Variants in SPOCK3 observed in about 807,000 individuals in gnomAD.
The protein encoded by SPOCK3 is SPARC (osteonectin), cwcv and kazal like domains proteoglycan 3.
SPOCK3 carries 30 observed loss-of-function variants against 56.6 expected under a neutral mutation model. That is an observed-to-expected ratio of 0.53 (90% CI 0.40 to 0.72). The LOEUF (loss-of-function observed/expected upper bound fraction) is 0.72. Among genes scored for constraint, SPOCK3 ranks in the 30% least tolerant of loss-of-function variants. The pLI, the probability that SPOCK3 is intolerant of heterozygous loss-of-function variation, is 0.00. For synonymous variants in SPOCK3, 196 were observed against 183.3 expected (o/e 1.07, Z -0.56); for missense variants, 527 against 530.0 (o/e 0.99, Z 0.06).
intron 2 of SPOCK3, among the ~76,000 whole-genome samples, chr4:167,104,452 T>C (rs1759921571): frequency 6.6e-6 from 1 of 151,920 alleles, no homozygotes; most frequent in Non-Finnish European, 1.5e-5. Flanking sequence ...TACTGAACAA[T>C]GTATCAGAGT....
intron 2 of SPOCK3, among the ~76,000 whole-genome samples, chr4:167,164,235 A>C (rs1765564723): frequency 6.6e-6 from 1 of 152,116 alleles, no homozygotes; most frequent in African/African-American, 2.4e-5. Context: ...AATAAGTAAC[A>C]TTCTAGCTAA....
intron 4 of SPOCK3, among the ~76,000 whole-genome samples, chr4:166,945,050 A>T (rs542882339): frequency 1.3e-5 from 2 of 152,142 alleles, no homozygotes; most frequent in Non-Finnish European, 2.9e-5. Flanking sequence ...TTGATATACC[A>T]CTATCAATCT....
At chr4:166,867,525 A>G (rs1006470502) in intron 6 of SPOCK3, among the ~76,000 whole-genome samples, 2 of 151,816 alleles carry the variant, frequency 1.3e-5, no homozygotes, top group Non-Finnish European at 1.5e-5. Flanking sequence ...GTTTATAAGC[A>G]TAATACACTA....
intron 6 of SPOCK3, among the ~76,000 whole-genome samples, chr4:166,872,910 G>A (rs1443373088): frequency 3.3e-5 from 5 of 152,142 alleles, no homozygotes; most frequent in Admixed American, 6.6e-5. Flanking sequence ...AAGGTGGCAT[G>A]TGTAAAGCGA....
intron 2 of SPOCK3, among the ~76,000 whole-genome samples, chr4:167,199,811 C>G (rs1733345522): frequency 6.7e-6 from 1 of 150,222 alleles, no homozygotes; most frequent in South Asian, 2.1e-4. Context: ...TCTGCACTTT[C>G]CTGTACTTAT....
At chr4:167,155,589 T>G (rs1764749141) in intron 2 of SPOCK3, among the ~76,000 whole-genome samples, 1 of 152,216 alleles carries the variant, frequency 6.6e-6, no homozygotes, top group Admixed American at 6.5e-5. Context: ...CATTAAAGAT[T>G]GAACACACTT....
At chr4:166,875,813 T>C (rs983222407) in intron 6 of SPOCK3, among the ~76,000 whole-genome samples, 2 of 152,188 alleles carry the variant, frequency 1.3e-5, no homozygotes, top group African/African-American at 2.4e-5. Context: ...GCAAGCGGTT[T>C]CTAGGCAGCA....
intron 3 of SPOCK3, among the ~76,000 whole-genome samples, chr4:167,054,623 G>C (rs1561165359): frequency 1.3e-5 from 2 of 152,138 alleles, no homozygotes; most frequent in East Asian, 3.9e-4. Context: ...AGCTCATTTT[G>C]CAGCAGATTA....
intron 6 of SPOCK3, among the ~76,000 whole-genome samples, chr4:166,803,035 T>C (rs1175334562): frequency 1.3e-5 from 2 of 152,108 alleles, no homozygotes; most frequent in African/African-American, 4.8e-5. Context: ...CTCCAATTGC[T>C]CTCTGACAAA....
At chr4:167,150,507 G>C (rs1270534829) in intron 2 of SPOCK3, among the ~76,000 whole-genome samples, 1 of 152,104 alleles carries the variant, frequency 6.6e-6, no homozygotes, top group Non-Finnish European at 1.5e-5. Flanking sequence ...AGGGTGGAAA[G>C]AGTGGAAGAC....
chr4:167,211,878 A>C (rs1316614385), intron 2 of SPOCK3, among the ~76,000 whole-genome samples: 1 of 152,200 alleles, frequency 6.6e-6, no homozygotes, highest in Non-Finnish European at 1.5e-5. Context: ...TGTTTTAGTG[A>C]AGCAATTTTC....
intron 4 of SPOCK3, among the ~76,000 whole-genome samples, chr4:166,995,790 T>G (rs1181878994): frequency 6.6e-6 from 1 of 152,144 alleles, no homozygotes; most frequent in Non-Finnish European, 1.5e-5. Flanking sequence ...TAATTCTCTC[T>G]GAAGACATTA....
At chr4:166,766,758 G>T (rs914666861) in intron 7 of SPOCK3, among the ~76,000 whole-genome samples, 2 of 152,144 alleles carry the variant, frequency 1.3e-5, no homozygotes, top group African/African-American at 4.8e-5. Flanking sequence ...GTTTCAGAAG[G>T]AATGGTACCA....
chr4:166,800,859 C>T (rs1318037726), intron 6 of SPOCK3, among the ~76,000 whole-genome samples: 3 of 152,152 alleles, frequency 2.0e-5, no homozygotes, highest in African/African-American at 7.2e-5. Flanking sequence ...TTCACATTCA[C>T]TCACCACTCA....
At chr4:167,150,135 C>T (rs935635141) in intron 2 of SPOCK3, among the ~76,000 whole-genome samples, 9 of 152,056 alleles carry the variant, frequency 5.9e-5, no homozygotes, top group Admixed American at 4.6e-4. Context: ...CAAAGTAATG[C>T]ATGAGTGGAA....
At chr4:167,202,675 C>A (rs543095182) in intron 2 of SPOCK3, among the ~76,000 whole-genome samples, 5 of 151,974 alleles carry the variant, frequency 3.3e-5, no homozygotes, top group Admixed American at 1.3e-4. Flanking sequence ...GATATGACTG[C>A]ATCACCTTCC....
At chr4:167,069,300 C>T (rs1165930124) in intron 2 of SPOCK3, among the ~76,000 whole-genome samples, 2 of 151,880 alleles carry the variant, frequency 1.3e-5, no homozygotes, top group African/African-American at 4.8e-5. Flanking sequence ...AGCCATTTGT[C>T]TATATCCCCA....
At chr4:166,914,525 C>G (rs182292125) in intron 4 of SPOCK3, among the ~76,000 whole-genome samples, 65 of 152,248 alleles carry the variant, frequency 4.3e-4, no homozygotes, top group Non-Finnish European at 6.9e-4. Context: ...AATCCCAGTG[C>G]TGTGGGAGGC....
intron 2 of SPOCK3, among the ~76,000 whole-genome samples, chr4:167,205,522 ATATAT>A (rs1216773956): frequency 1.2e-4 from 7 of 58,942 alleles, no homozygotes; most frequent in African/African-American, 2.3e-4. Flanking sequence ...TATATATTAT[ATATAT>A]TATTATATAA....
Sources: gnomAD v4.1 joint callset for allele counts (sites outside exome capture counted in the v4.1 genomes callset) on GRCh38, gnomAD v4.1.1 for gene constraint, MANE v1.5 for transcripts, NCBI Gene and HGNC (gene_info 2026-07-23, HGNC 2026-07-21) for gene names.